The following ALCAM variants were observed in gnomAD, a reference collection of about 807,000 sequenced individuals.
ALCAM encodes the protein activated leukocyte cell adhesion molecule.
A neutral mutation model predicts 70.9 loss-of-function variants in ALCAM; 30 were observed. The ratio of observed to expected loss-of-function variants is 0.42; its 90% CI spans 0.32 to 0.57. The LOEUF (loss-of-function observed/expected upper bound fraction) is 0.57. Among genes scored for constraint, ALCAM ranks in the 20% least tolerant of loss-of-function variants. The probability of loss-of-function intolerance (pLI) is 0.11; values close to 1 mark genes in which losing one functional copy is unlikely to be tolerated. For synonymous variants in ALCAM, 249 were observed against 242.5 expected, an observed-to-expected ratio of 1.03 and a Z score of -0.25; for missense variants, 591 against 695.1, an observed-to-expected ratio of 0.85 and a Z score of 1.68.
rs746980123 is a variant in ALCAM, at chr3:105,571,979, C to T, written c.*25+15C>T. ...TAGTTGTCCAGGTGAGTAGTCTGTA[C>T]GAGGTTCATAGAAATAATTCCCTAG... On this transcript the variant is annotated intron_variant, in intron 15 of 15. Transcript: ENST00000306107. The T allele has an allele frequency of 9.0e-6, 13 of 1,443,680 alleles. No homozygotes were observed. Among genetic ancestry groups the T allele is most frequent in the African/African-American group, 5.7e-5 (4 of 70,410 alleles). 89.4% of individuals were successfully genotyped at this position (1,443,680 alleles called of 1,614,324 possible). A position where few individuals can be genotyped will look rare whatever the true frequency, so the allele number is the denominator to read the frequency against.
At chr3:105,558,666 A>C (rs565040951) in intron 14 of ALCAM, among the ~76,000 whole-genome samples, 2 of 152,308 alleles carry the variant, frequency 1.3e-5, no homozygotes, top group East Asian at 3.9e-4. Flanking sequence ...AAGTAACTTT[A>C]GCCCTTTAAA....
chr3:105,547,692 T>C (rs10933821), intron 11 of ALCAM, among the ~76,000 whole-genome samples, 169 bp downstream of exon 11: 62,640 of 151,166 alleles, frequency 0.41, 13,874 homozygotes, highest in East Asian at 0.64. Flanking sequence ...TTTTGCTAAC[T>C]TCTTAATTTT....
At chr3:105,441,555 G>A (rs1488350788) in intron 1 of ALCAM, among the ~76,000 whole-genome samples, 2 of 152,138 alleles carry the variant, frequency 1.3e-5, no homozygotes, top group African/African-American at 4.8e-5. Flanking sequence ...CATCAGTAAT[G>A]TGTGAACTTA....
At chr3:105,431,105 A>G (rs1936920034) in intron 1 of ALCAM, among the ~76,000 whole-genome samples, 2 of 151,598 alleles carry the variant, frequency 1.3e-5, no homozygotes, top group South Asian at 4.2e-4. Context: ...GAGGTACTCG[A>G]TCCCTAATTG....
chr3:105,422,991 A>C (rs1484840449), intron 1 of ALCAM, among the ~76,000 whole-genome samples: 2 of 151,444 alleles, frequency 1.3e-5, no homozygotes, highest in Non-Finnish European at 3.0e-5. Flanking sequence ...ATGTCATATA[A>C]TTTTACTGGA....
In ALCAM at chr3:105,526,740, A is replaced by T. The variant is rs573794085; in HGVS notation, c.394+2232A>T. Among the ~76,000 whole-genome samples the T allele has an allele frequency of 4.6e-5, 7 of 152,312 alleles. No individual in the cohort carries two copies. The South Asian group carries it at 1.5e-3, about 32-fold the overall frequency. The stretch of plus-strand genomic sequence containing the variant: ...GTTTTGTTTTGTTTTCAATGAATTT[A>T]CTTTGGGTCACTTTCTGTGAAGCAA... On this transcript the variant is annotated intron_variant, in intron 3 of 15. Coordinates refer to ENST00000306107, the MANE Select transcript of ALCAM (RefSeq NM_001627.4).
At chr3:105,466,050 C>T (rs868029079) in intron 1 of ALCAM, among the ~76,000 whole-genome samples, 2 of 151,454 alleles carry the variant, frequency 1.3e-5, no homozygotes, top group Non-Finnish European at 1.5e-5. Flanking sequence ...TCCTTATACA[C>T]AGTTTCTATT....
At chr3:105,456,693 A>G (rs998980104) in intron 1 of ALCAM, among the ~76,000 whole-genome samples, 1 of 152,142 alleles carries the variant, frequency 6.6e-6, no homozygotes, top group Non-Finnish European at 1.5e-5. Context: ...GTTTTTGGCT[A>G]TGTTATAAGC....
chr3:105,522,170 C>G (rs1939561277), intron 2 of ALCAM, among the ~76,000 whole-genome samples: 1 of 152,144 alleles, frequency 6.6e-6, no homozygotes, highest in African/African-American at 2.4e-5. Context: ...ACTGAACTGG[C>G]ACAGTGGCAC....
At chr3:105,414,952 A>G (rs1936473842) in intron 1 of ALCAM, among the ~76,000 whole-genome samples, 1 of 152,096 alleles carries the variant, frequency 6.6e-6, no homozygotes, top group African/African-American at 2.4e-5. Context: ...TAATGTGAAG[A>G]TAAGGGGAAA....
intron 1 of ALCAM, among the ~76,000 whole-genome samples, chr3:105,494,795 G>A (rs991680841): frequency 3.3e-5 from 5 of 152,020 alleles, no homozygotes; most frequent in African/African-American, 4.8e-5. Flanking sequence ...GACTAACTGG[G>A]AACACAGGCA....
intron 1 of ALCAM, among the ~76,000 whole-genome samples, chr3:105,457,442 A>G (rs1937549363): frequency 6.6e-6 from 1 of 152,072 alleles, no homozygotes; most frequent in South Asian, 2.1e-4. Context: ...GAAAATAACT[A>G]ATGGGTACTA....
At chr3:105,498,424 A>G (rs1254589960) in intron 1 of ALCAM, among the ~76,000 whole-genome samples, 1 of 152,188 alleles carries the variant, frequency 6.6e-6, no homozygotes, top group Non-Finnish European at 1.5e-5. Flanking sequence ...TCAACACTAC[A>G]TAGAGAAGAA....
chr3:105,553,928 G>T (rs1301933319), intron 14 of ALCAM, among the ~76,000 whole-genome samples: 2 of 151,848 alleles, frequency 1.3e-5, no homozygotes, highest in East Asian at 3.9e-4. Flanking sequence ...ACATTAGGCA[G>T]AAACATTTCT....
At chr3:105,379,088 C>A (rs1935448523) in intron 1 of ALCAM, among the ~76,000 whole-genome samples, 1 of 151,882 alleles carries the variant, frequency 6.6e-6, no homozygotes, top group Non-Finnish European at 1.5e-5. Flanking sequence ...TAGCTTTTGT[C>A]TGTTTTTTCA....
At chr3:105,508,553 A>C (rs1939143970) in intron 1 of ALCAM, among the ~76,000 whole-genome samples, 1 of 152,158 alleles carries the variant, frequency 6.6e-6, no homozygotes, top group Admixed American at 6.6e-5. Context: ...CACCATAAAA[A>C]CATTCAGTAT....
chr3:105,371,776 A>G (rs992979966), intron 1 of ALCAM, among the ~76,000 whole-genome samples: 4 of 152,160 alleles, frequency 2.6e-5, no homozygotes, highest in Non-Finnish European at 4.4e-5. Flanking sequence ...TCAAGTAGAC[A>G]CATGCAATTT....
In ALCAM at chr3:105,534,702, C is replaced by T. The variant is rs1390038739; in HGVS notation, c.587C>T (p.Thr196Ile). Residue 196 changes from threonine to isoleucine, a missense_variant, in exon 6 of 16, where the codon ACT becomes ATT. Transcript: ENST00000306107. ...IIFKKEMDPV[T>I]QLYTMTSTLE... ...TTTAAAAAGGAAATGGACCCAGTGACTCAGCTCTATACCATGACTTCCACC... is the reference window on the plus strand; with the variant it reads ...TTTAAAAAGGAAATGGACCCAGTGATTCAGCTCTATACCATGACTTCCACC... 4.3e-6 allele frequency: 7 copies of T among 1,613,792 alleles called. No individual in the cohort carries two copies. In the Middle Eastern group the frequency reaches 5.0e-4, roughly 114 times the overall value.
chr3:105,530,564 ATTG>A (rs1939814541), intron 3 of ALCAM, among the ~76,000 whole-genome samples: 1 of 151,350 alleles, frequency 6.6e-6, no homozygotes, highest in Non-Finnish European at 1.5e-5. Flanking sequence ...TATTTTTTCT[ATTG>A]TTCTATCTTG....
Sources: gnomAD v4.1 joint callset for allele counts (sites outside exome capture counted in the v4.1 genomes callset) on GRCh38, gnomAD v4.1.1 for gene constraint, MANE v1.5 for transcripts, NCBI Gene and HGNC (gene_info 2026-07-23, HGNC 2026-07-21) for gene names.